CCSER1: variants seen among roughly 807,000 people sequenced by gnomAD.
CCSER1 encodes the protein serine-rich coiled-coil domain-containing protein 1.
A neutral mutation model predicts 82.0 loss-of-function variants in CCSER1; 41 were observed. That is an observed-to-expected ratio of 0.50 (90% CI 0.39 to 0.65). The LOEUF is 0.65. CCSER1 is among the 30% of genes least tolerant of loss of function. The pLI, the probability that CCSER1 is intolerant of heterozygous loss-of-function variation, is 0.00. For missense variants in CCSER1, 1,119 were observed against 1,064.2 expected, an observed-to-expected ratio of 1.05 and a Z score of -0.72; for synonymous variants, 414 against 383.9, an observed-to-expected ratio of 1.08 and a Z score of -0.92.
intron 8 of CCSER1, among the ~76,000 whole-genome samples, chr4:90,898,519 C>T (rs762763014): frequency 6.6e-6 from 1 of 151,050 alleles, no homozygotes; most frequent in Non-Finnish European, 1.5e-5. Flanking sequence ...AACTCTTGAC[C>T]TCAGGTGATT....
At chr4:91,117,499 T>A (rs572079075) in intron 10 of CCSER1, among the ~76,000 whole-genome samples, 57 of 152,354 alleles carry the variant, frequency 3.7e-4, no homozygotes, top group Non-Finnish European at 7.6e-4. Flanking sequence ...ATGTAAATGC[T>A]TATTAAGTGG....
At chr4:90,776,980 A>G (rs1752980497) in intron 7 of CCSER1, among the ~76,000 whole-genome samples, 1 of 152,176 alleles carries the variant, frequency 6.6e-6, no homozygotes. Flanking sequence ...GGCACAAGAT[A>G]GGCACTCAGA....
chr4:91,150,938 T>G (rs1334591615), intron 10 of CCSER1, among the ~76,000 whole-genome samples: 1 of 152,178 alleles, frequency 6.6e-6, no homozygotes, highest in South Asian at 2.1e-4. Flanking sequence ...TCTCTTTTTT[T>G]GTTGTGTCTC....
intron 10 of CCSER1, among the ~76,000 whole-genome samples, chr4:91,485,816 C>T (rs78948758): frequency 0.012 from 1,898 of 151,980 alleles, 17 homozygotes; most frequent in African/African-American, 0.026. Flanking sequence ...AGCAAAAAAT[C>T]GAAACAACAA....
At chr4:90,338,355 T>G (rs551568803) in intron 3 of CCSER1, among the ~76,000 whole-genome samples, 1 of 152,366 alleles carries the variant, frequency 6.6e-6, no homozygotes, top group East Asian at 1.9e-4. Context: ...TTCAATTTTC[T>G]TTTCCTTCTG....
intron 10 of CCSER1, among the ~76,000 whole-genome samples, chr4:91,177,028 AG>A (rs1371253866): frequency 1.3e-5 from 2 of 152,164 alleles, no homozygotes; most frequent in African/African-American, 2.4e-5. Context: ...TTTAGCATGA[AG>A]GGCTGTTGAA....
intron 10 of CCSER1, among the ~76,000 whole-genome samples, chr4:91,440,659 CA>C (rs1490813718): frequency 3.9e-5 from 6 of 152,072 alleles, no homozygotes; most frequent in Admixed American, 3.3e-4. Context: ...AAAAACCCTT[CA>C]AAAAATTAAT....
At chr4:91,223,589 G>T (rs759444854) in intron 10 of CCSER1, among the ~76,000 whole-genome samples, 5 of 152,054 alleles carry the variant, frequency 3.3e-5, no homozygotes, top group Non-Finnish European at 7.4e-5. Flanking sequence ...CAGATAATTT[G>T]CAAGGTGAAA....
intron 10 of CCSER1, among the ~76,000 whole-genome samples, chr4:91,265,267 C>T (rs1447742249): frequency 1.3e-5 from 2 of 151,816 alleles, no homozygotes; most frequent in Non-Finnish European, 2.9e-5. Context: ...AAAAATTAAG[C>T]TCCTGAATAA....
chr4:90,407,118 A>G (rs1376109131), intron 4 of CCSER1, among the ~76,000 whole-genome samples: 4 of 152,204 alleles, frequency 2.6e-5, no homozygotes, highest in Non-Finnish European at 5.9e-5. Context: ...ACCATTAGCG[A>G]GATTAACCTA....
At chr4:90,247,316 T>A (rs904630470) in intron 1 of CCSER1, among the ~76,000 whole-genome samples, 48 of 152,194 alleles carry the variant, frequency 3.2e-4, no homozygotes, top group African/African-American at 1.1e-3. Context: ...CGTACAGAGT[T>A]GAGGACAGGT....
At chr4:91,390,250 G>A (rs1029761573) in intron 10 of CCSER1, among the ~76,000 whole-genome samples, 3 of 151,652 alleles carry the variant, frequency 2.0e-5, no homozygotes, top group African/African-American at 4.8e-5. Context: ...TTTTATCATG[G>A]TTGGCCATTG....
At chr4:90,950,234 A>G (rs772511461) in intron 9 of CCSER1, among the ~76,000 whole-genome samples, 2 of 152,136 alleles carry the variant, frequency 1.3e-5, no homozygotes, top group East Asian at 1.9e-4. Flanking sequence ...TTTCATGGCT[A>G]TATGTTATAG....
At chr4:90,498,395 A>G (rs77598652) in intron 5 of CCSER1, among the ~76,000 whole-genome samples, 2,156 of 152,298 alleles carry the variant, frequency 0.014, 16 homozygotes, top group Middle Eastern at 0.024. Context: ...GCAGAAAGCA[A>G]AACAAAAGAT....
At chr4:90,371,483 G>A (rs1747401897) in intron 3 of CCSER1, among the ~76,000 whole-genome samples, 1 of 151,806 alleles carries the variant, frequency 6.6e-6, no homozygotes, top group South Asian at 2.1e-4. Context: ...AAATATGAGT[G>A]GGAGTTTATA....
chr4:90,482,518 C>A (rs1391472868), intron 5 of CCSER1, among the ~76,000 whole-genome samples: 4 of 152,076 alleles, frequency 2.6e-5, no homozygotes, highest in Middle Eastern at 3.2e-3. Flanking sequence ...TAGTGCTATA[C>A]ATTTCTCTCT....
chr4:90,444,232 A>G (rs547944961), intron 4 of CCSER1, among the ~76,000 whole-genome samples: 1 of 152,202 alleles, frequency 6.6e-6, no homozygotes, highest in South Asian at 2.1e-4. Context: ...GGATCAATCC[A>G]TAACACGATA....
intron 10 of CCSER1, among the ~76,000 whole-genome samples, chr4:91,529,619 T>A (rs1468925857): frequency 6.6e-6 from 1 of 152,106 alleles, no homozygotes; most frequent in Non-Finnish European, 1.5e-5. Flanking sequence ...AAGTTGCTTT[T>A]TCTTTTTCCT....
At chr4:90,492,532 G>T (rs1437671109) in intron 5 of CCSER1, among the ~76,000 whole-genome samples, 1 of 151,996 alleles carries the variant, frequency 6.6e-6, no homozygotes, top group African/African-American at 2.4e-5. Context: ...GTTGTGCTCT[G>T]ATCTTAGTTA....
Sources: allele counts gnomAD v4.1 joint callset (sites outside exome capture counted in the v4.1 genomes callset), GRCh38; gene constraint gnomAD v4.1.1; transcripts MANE v1.5; gene names NCBI Gene and HGNC (gene_info 2026-07-23, HGNC 2026-07-21).